The following CCDC60 variants were observed in gnomAD, a reference collection of about 807,000 sequenced individuals.
CCDC60 encodes coiled-coil domain-containing protein 60.
Under a neutral mutation model 63.5 loss-of-function variants are expected in CCDC60, and 54 were observed. That is an observed-to-expected ratio of 0.85 (90% CI 0.68 to 1.07). The LOEUF is 1.07. Ranked by LOEUF, CCDC60 falls within the 50% of genes least tolerant of loss-of-function variation. The pLI is 0.00. For missense variants in CCDC60, 651 were observed against 684.3 expected (o/e 0.95, Z 0.54); for synonymous variants, 206 against 238.8 (o/e 0.86, Z 1.27).
rs780639311 is a variant in CCDC60, at chr12:119,433,361, T to C, written c.170+4599T>C. On this transcript the variant is annotated intron_variant, in intron 2 of 13. Coordinates refer to ENST00000327554, the MANE Select transcript of CCDC60 (RefSeq NM_178499.5). ...CGCATTAAATGTTAAAGCTGAGATTTAACGTTCTGCTCGGACACCCTTAGC... is the reference window on the plus strand; with the variant it reads ...CGCATTAAATGTTAAAGCTGAGATTCAACGTTCTGCTCGGACACCCTTAGC... 1.6e-5 allele frequency: 11 copies of C among 699,960 alleles called. No homozygotes were observed. In the African/African-American group the frequency reaches 1.8e-4, roughly 11 times the overall value. The allele number at this position is 699,960 out of a possible 1,614,324, so 43.4% of individuals were successfully genotyped here. A position where few individuals can be genotyped will look rare whatever the true frequency, so the allele number is the denominator to read the frequency against.
chr12:119,404,736 G>C (rs551273850), intron 1 of CCDC60, among the ~76,000 whole-genome samples: 159 of 152,276 alleles, frequency 1.0e-3, no homozygotes, highest in African/African-American at 3.7e-3. Flanking sequence ...CTCAGCTCTA[G>C]ATAAGATCTT....
At chr12:119,454,794 A>C (rs1226972504) in intron 2 of CCDC60, among the ~76,000 whole-genome samples, 1 of 152,176 alleles carries the variant, frequency 6.6e-6, no homozygotes, top group Non-Finnish European at 1.5e-5. Flanking sequence ...CTCACATAAA[A>C]AGGGTTTACA....
At chr12:119,373,160 G>A (rs983972243) in intron 1 of CCDC60, among the ~76,000 whole-genome samples, 6 of 152,132 alleles carry the variant, frequency 3.9e-5, no homozygotes, top group Admixed American at 1.3e-4. Context: ...CAAGCTGACT[G>A]ACCTGGATCT....
chr12:119,459,024 G>T (rs567831636), intron 2 of CCDC60, among the ~76,000 whole-genome samples: 2 of 152,264 alleles, frequency 1.3e-5, no homozygotes, highest in South Asian at 4.2e-4. Flanking sequence ...AACCAAAGTG[G>T]ATTACAGGCG....
intron 4 of CCDC60, among the ~76,000 whole-genome samples, chr12:119,480,938 TCAC>T (rs1951301860): frequency 2.1e-5 from 3 of 146,314 alleles, no homozygotes; most frequent in Middle Eastern, 3.8e-3. Flanking sequence ...ACCATCATCA[TCAC>T]CACCATCATC....
intron 1 of CCDC60, among the ~76,000 whole-genome samples, chr12:119,372,111 T>C (rs1955903971): frequency 6.6e-6 from 1 of 151,988 alleles, no homozygotes; most frequent in African/African-American, 2.4e-5. Context: ...TACAAAAAAA[T>C]TAGCCGGGTA....
At position 119,386,283 on chromosome 12, in the gene CCDC60, A is replaced by G. The variant is rs115283737; in HGVS notation, c.91-42400A>G. Among the ~76,000 whole-genome samples, 670 of 152,296 alleles carry G rather than the reference A, an allele frequency of 4.4e-3. 2 individuals carry two copies. The highest frequency in any genetic ancestry group is 0.014 in the African/African-American group (597 of 41,564). On this transcript the variant is annotated intron_variant, in intron 1 of 13. Coordinates refer to ENST00000327554, the MANE Select transcript of CCDC60 (RefSeq NM_178499.5). ...CTGTTCTCATTTATTTCAGACAACAATTAGACCCTATTGGAAAAATTTTTC... is the reference window on the plus strand; with the variant it reads ...CTGTTCTCATTTATTTCAGACAACAGTTAGACCCTATTGGAAAAATTTTTC...
intron 2 of CCDC60, among the ~76,000 whole-genome samples, chr12:119,446,870 GA>G (rs1202420070): frequency 6.6e-6 from 1 of 152,136 alleles, no homozygotes; most frequent in African/African-American, 2.4e-5. Context: ...GGAGTTGGTG[GA>G]GATATCCCAG....
At chr12:119,504,592 T>C (rs1323689649) in intron 6 of CCDC60, among the ~76,000 whole-genome samples, 1 of 152,206 alleles carries the variant, frequency 6.6e-6, no homozygotes, top group African/African-American at 2.4e-5. Flanking sequence ...AATTATTCTT[T>C]GAGGCCCAGG....
At position 119,540,711 on chromosome 12, in the gene CCDC60, G is replaced by A. The variant is rs760094719; in HGVS notation, c.1649G>A (p.Arg550Lys). ...CCCATTGGGCCCTACAGCGCCCTGA[G>A]GTAGGCTGGGCCTGGGTTGACCAGC... ...NIPIGPYSAL[R>K] The change falls in exon 14 of 14, where the codon AGG becomes AAG. Residue 550 changes from arginine (R) to lysine (K), a missense_variant. Coordinates refer to ENST00000327554, the MANE Select transcript of CCDC60 (RefSeq NM_178499.5). 5.6e-6 allele frequency: 9 copies of A among 1,611,144 alleles called. No homozygotes were observed. The highest frequency in any genetic ancestry group is 1.7e-4 in the Middle Eastern group (1 of 6,004).
At chr12:119,380,870 G>T (rs1054670640) in intron 1 of CCDC60, among the ~76,000 whole-genome samples, 1 of 152,068 alleles carries the variant, frequency 6.6e-6, no homozygotes, top group South Asian at 2.1e-4. Flanking sequence ...CTTTCTATTT[G>T]TGACATGCAG....
intron 1 of CCDC60, among the ~76,000 whole-genome samples, chr12:119,384,992 G>A (rs1342735518): frequency 6.6e-6 from 1 of 152,258 alleles, no homozygotes; most frequent in East Asian, 1.9e-4. Flanking sequence ...GCCCTGGCAC[G>A]GGGCTGCATT....
chr12:119,532,662 C>G (rs1325298884), intron 13 of CCDC60, among the ~76,000 whole-genome samples: 2 of 151,732 alleles, frequency 1.3e-5, no homozygotes, highest in Non-Finnish European at 2.9e-5. Flanking sequence ...TGAGTGAGAA[C>G]ATGTGTTTGG....
At chr12:119,374,834 T>C (rs566050064) in intron 1 of CCDC60, among the ~76,000 whole-genome samples, 2 of 152,238 alleles carry the variant, frequency 1.3e-5, no homozygotes, top group East Asian at 3.9e-4. Context: ...ATAAGGGTCA[T>C]TTCTGGTTGT....
chr12:119,381,435 T>C lies in CCDC60; in HGVS notation c.90+46169T>C, dbSNP rs545494180. On this transcript the variant is annotated intron_variant, in intron 1 of 13. Transcript: ENST00000327554. ...TCCCTATACAAGAGGAATTGGAGTC[T>C]GTGGTTGCCAAGCAAACGTGGCAGG... Among the ~76,000 whole-genome samples the C allele has an allele frequency of 1.0e-3, 157 of 152,360 alleles. 1 individual carries two copies. The highest frequency in any genetic ancestry group is 3.7e-3 in the African/African-American group (152 of 41,590).
At chr12:119,386,740 A>G (rs1174508971) in intron 1 of CCDC60, among the ~76,000 whole-genome samples, 1 of 152,174 alleles carries the variant, frequency 6.6e-6, no homozygotes, top group African/African-American at 2.4e-5. Context: ...CTTAAGACTA[A>G]TGGTACCCAA....
At chr12:119,509,068 C>T (rs933555557) in intron 7 of CCDC60, among the ~76,000 whole-genome samples, 5 of 152,060 alleles carry the variant, frequency 3.3e-5, no homozygotes, top group South Asian at 2.1e-4. Flanking sequence ...TCCCCAGTGG[C>T]CACCTTCCTC....
rs141127258 is a variant in CCDC60 at position 119,519,401 on chromosome 12, A to ATGTGTGTGTG, written c.969-695_969-686dup. Among the ~76,000 whole-genome samples, 390 of 136,472 alleles carry ATGTGTGTGTG rather than the reference A, an allele frequency of 2.9e-3. 2 individuals are homozygous for ATGTGTGTGTG. The highest frequency in any genetic ancestry group is 5.0e-3 in the Admixed American group (67 of 13,326). 89.5% of individuals were successfully genotyped at this position (136,472 alleles called of 152,430 possible). A position where few individuals can be genotyped will look rare whatever the true frequency, so the allele number is the denominator to read the frequency against. On this transcript the variant is annotated intron_variant, in intron 8 of 13. Transcript: ENST00000327554. ...AGAATATCCAGAGGTAGTGATATATATGTGTGTGTGTGTGTGTGTGTGTGT... is the reference window on the plus strand; with the variant it reads ...AGAATATCCAGAGGTAGTGATATATATGTGTGTGTGTGTGTGTGTGTGTGTGTGTGTGTGT...
intron 2 of CCDC60, among the ~76,000 whole-genome samples, chr12:119,453,711 G>A (rs1264887354): frequency 2.0e-5 from 3 of 152,124 alleles, no homozygotes; most frequent in Admixed American, 2.0e-4. Flanking sequence ...CTGGTCATGT[G>A]CAAAGCAAGA....
Sources: allele counts gnomAD v4.1 joint callset (sites outside exome capture counted in the v4.1 genomes callset), GRCh38; gene constraint gnomAD v4.1.1; transcripts MANE v1.5; gene names NCBI Gene and HGNC (gene_info 2026-07-23, HGNC 2026-07-21).